The following YJU2 variants were observed in gnomAD, a reference collection of about 807,000 sequenced individuals.
The protein encoded by YJU2 is splicing factor YJU2.
A neutral mutation model predicts 39.6 loss-of-function variants in YJU2; 28 were observed. The ratio of observed to expected loss-of-function variants is 0.71; its 90% CI spans 0.52 to 0.97. The LOEUF is 0.97. Ranked by LOEUF, YJU2 falls within the 50% of genes least tolerant of loss-of-function variation. The pLI, the probability that YJU2 is intolerant of heterozygous loss-of-function variation, is 0.00. For synonymous variants in YJU2, 184 were observed against 182.4 expected, an observed-to-expected ratio of 1.01 and a Z score of -0.07; for missense variants, 328 against 430.4, an observed-to-expected ratio of 0.76 and a Z score of 2.11.
At chr19:4,250,626 A>G (rs1454418995) in intron 2 of YJU2, among the ~76,000 whole-genome samples, 1 of 151,834 alleles carries the variant, frequency 6.6e-6, no homozygotes, top group Non-Finnish European at 1.5e-5. Flanking sequence ...AGGATCAGAC[A>G]GGAGGCGGGC....
At chr19:4,260,760 C>T (rs2144696532) in intron 5 of YJU2, among the ~76,000 whole-genome samples, 1 of 152,132 alleles carries the variant, frequency 6.6e-6, no homozygotes, top group East Asian at 1.9e-4. Flanking sequence ...GCATCTGGCC[C>T]CTTTAATCTG....
chr19:4,267,516 G>A, intron 6 of YJU2, 108 bp from the exon 7 acceptor site: 1 of 1,189,364 alleles, frequency 8.4e-7, no homozygotes, highest in Non-Finnish European at 1.2e-6. Context: ...TGTGGTCAGT[G>A]CAGCAGTGGA....
intron 4 of YJU2, among the ~76,000 whole-genome samples, chr19:4,256,271 G>C (rs151027714): frequency 6.6e-6 from 1 of 150,792 alleles, no homozygotes. Context: ...TTAAATGACT[G>C]TGTTCCCTGC....
chr19:4,250,809 C>T (rs754777693), intron 2 of YJU2, among the ~76,000 whole-genome samples: 2 of 152,026 alleles, frequency 1.3e-5, no homozygotes, highest in Non-Finnish European at 2.9e-5. Context: ...CCCAAGCAGG[C>T]GACCCTTGGA....
At chr19:4,247,563 GGGGTGGGGTGGGGTGGC>G (rs1304148584) in intron 1 of YJU2, among the ~76,000 whole-genome samples, 1 of 91,964 alleles carries the variant, frequency 1.1e-5, no homozygotes, top group African/African-American at 9.1e-5. Context: ...TACTTTGGGT[GGGGTGGGGTGGGGTGGC>G]GCGTGTGTGT....
intron 5 of YJU2, among the ~76,000 whole-genome samples, chr19:4,259,514 G>A (rs1160068266): frequency 6.6e-6 from 1 of 152,096 alleles, no homozygotes; most frequent in East Asian, 1.9e-4. Flanking sequence ...TGGGTAGCTG[G>A]GACCACAGGG....
intron 4 of YJU2, among the ~76,000 whole-genome samples, chr19:4,257,569 G>A (rs752697863): frequency 1.3e-5 from 2 of 152,176 alleles, no homozygotes; most frequent in African/African-American, 4.8e-5. Flanking sequence ...TGCCTCCCGG[G>A]TTCAAGCAAT....
At chr19:4,263,597 G>A (rs899093445) in intron 6 of YJU2, among the ~76,000 whole-genome samples, 2 of 151,914 alleles carry the variant, frequency 1.3e-5, no homozygotes, top group Non-Finnish European at 1.5e-5. Context: ...ATCATCTGAG[G>A]TCAGGAGTTC....
chr19:4,263,981 G>A (rs1004579356), intron 6 of YJU2, among the ~76,000 whole-genome samples: 4 of 151,332 alleles, frequency 2.6e-5, no homozygotes, highest in African/African-American at 7.3e-5. Context: ...GATTGTTCTC[G>A]GCCGGGCGCG....
chr19:4,249,141 C>A, intron 1 of YJU2, 87 bp from the exon 2 acceptor site: 1 of 896,438 alleles, frequency 1.1e-6, no homozygotes, highest in Non-Finnish European at 1.7e-6. Context: ...GGACCCCCGA[C>A]ACAGCTCCCC....
intron 2 of YJU2, among the ~76,000 whole-genome samples, chr19:4,249,675 G>A (rs1970959994): frequency 6.6e-6 from 1 of 151,424 alleles, no homozygotes; most frequent in African/African-American, 2.4e-5. Context: ...TGCTGCCCCT[G>A]CTTGGAACTC....
In YJU2 at chr19:4,258,605, C is replaced by T. The variant is rs539771622; in HGVS notation, c.587+182C>T. Among the ~76,000 whole-genome samples, 35 of 152,350 alleles carry T rather than the reference C, an allele frequency of 2.3e-4. 1 individual carries two copies. The South Asian group carries it at 5.8e-3, about 25-fold the overall frequency. On this transcript the variant is annotated intron_variant, in intron 5 of 7. Coordinates refer to ENST00000262962, the MANE Select transcript of YJU2 (RefSeq NM_018074.6). ...GAGGGGGTCCCAGGCCACTGCCGGGCACGGTGACTTAGCACGTGGTCGCCC... is the reference window on the plus strand; with the variant it reads ...GAGGGGGTCCCAGGCCACTGCCGGGTACGGTGACTTAGCACGTGGTCGCCC...
At position 4,267,651 on chromosome 19, in the gene YJU2, G is replaced by A; in HGVS notation, c.736G>A (p.Val246Ile). ...CCCAAAGCCCAAGAGGAAGGTGGAG[G>A]TCTGGGAGCAGAGCGTTGGCAGCCT... is the stretch of plus-strand genomic sequence containing the variant. Reference protein sequence around the residue: ...EAPKPKRKVEVWEQSVGSLGS... With the variant: ...EAPKPKRKVEIWEQSVGSLGS... The change falls in exon 7 of 8, where the codon GTC becomes ATC. Residue 246 changes from valine (V) to isoleucine (I), a missense_variant. This residue lies in a region of YJU2 where 244 missense variants were observed against 264.6 expected (regional missense o/e 0.92). Transcript: ENST00000262962. 1.9e-6 allele frequency: 3 copies of A among 1,613,474 alleles called. No homozygotes were observed. The highest frequency in any genetic ancestry group is 2.2e-5 in the East Asian group (1 of 44,868).
chr19:4,267,552 G>A, intron 6 of YJU2, 72 bp from the exon 7 acceptor site: 1 of 1,506,572 alleles, frequency 6.6e-7, no homozygotes, highest in South Asian at 1.2e-5. Flanking sequence ...CAGTGAGCAG[G>A]GGTTGTGGCG....
At chr19:4,261,288 A>G (rs1971068194) in intron 5 of YJU2, among the ~76,000 whole-genome samples, 1 of 152,076 alleles carries the variant, frequency 6.6e-6, no homozygotes, top group East Asian at 1.9e-4. Context: ...TCCCAGAATT[A>G]GAGACCGGCC....
chr19:4,264,718 C>T (rs1971102851), intron 6 of YJU2, among the ~76,000 whole-genome samples: 1 of 152,040 alleles, frequency 6.6e-6, no homozygotes, highest in Admixed American at 6.6e-5. Context: ...AACTCCTGAC[C>T]TCAGGTGATT....
At chr19:4,247,491 CTCT>C (rs1246680257) in intron 1 of YJU2, 3 of 227,982 alleles carry the variant, frequency 1.3e-5, no homozygotes, top group Middle Eastern at 1.5e-3. Context: ...GTGTTTTGCC[CTCT>C]TCTTGAGGGG....
At chr19:4,268,453 CAGA>C in intron 7 of YJU2, 128 bp from the exon 8 acceptor site, 2 of 624,826 alleles carry the variant, frequency 3.2e-6, no homozygotes, top group Non-Finnish European at 5.7e-6. Flanking sequence ...AGGTGCCATC[CAGA>C]AAGGCCAGGC....
intron 4 of YJU2, among the ~76,000 whole-genome samples, chr19:4,255,880 G>A (rs948654459): frequency 4.6e-5 from 7 of 151,578 alleles, no homozygotes; most frequent in Admixed American, 2.0e-4. Context: ...GGTGGCACGC[G>A]CCTATAATCC....
Sources: gnomAD v4.1 joint callset for allele counts (sites outside exome capture counted in the v4.1 genomes callset) on GRCh38, gnomAD v4.1.1 for gene constraint, gnomAD v4.1.1 regional missense constraint, MANE v1.5 for transcripts, NCBI Gene and HGNC (gene_info 2026-07-23, HGNC 2026-07-21) for gene names.